The following NFIB variants were observed in gnomAD, a reference collection of about 807,000 sequenced individuals.
NFIB encodes nuclear factor 1 B-type.
Under a neutral mutation model 61.5 loss-of-function variants are expected in NFIB, and 11 were observed. The observed-to-expected ratio is 0.18, with a 90% CI of 0.11 to 0.30. The LOEUF (loss-of-function observed/expected upper bound fraction) is 0.30, where lower values mean the gene tolerates loss of function less well. Among genes scored for constraint, NFIB ranks in the 10% least tolerant of loss-of-function variants. The pLI, the probability that NFIB is intolerant of heterozygous loss-of-function variation, is 1.00. For missense variants in NFIB, 471 were observed against 608.9 expected (o/e 0.77, Z 2.38); for synonymous variants, 260 against 216.5 (o/e 1.20, Z -1.76).
chr9:14,440,635 A>G, the NFIB span, among the ~76,000 whole-genome samples: 1 of 152,220 alleles, frequency 6.6e-6, no homozygotes, highest in Non-Finnish European at 1.5e-5. Context: ...TAATCTTGTG[A>G]TTCAAAAATA....
intron 1 of NFIB, among the ~76,000 whole-genome samples, chr9:14,312,489 A>G (rs1002162575): frequency 6.6e-6 from 1 of 152,216 alleles, no homozygotes; most frequent in Non-Finnish European, 1.5e-5. Flanking sequence ...ATACTGCCTC[A>G]AATAACAGTT....
At chr9:14,434,589 G>C in the NFIB span, among the ~76,000 whole-genome samples, 2 of 152,168 alleles carry the variant, frequency 1.3e-5, no homozygotes, top group Non-Finnish European at 2.9e-5. Flanking sequence ...GATCCTTGAA[G>C]CTAGTTTTCT....
At chr9:14,171,727 G>C (rs1281114502) in intron 3 of NFIB, among the ~76,000 whole-genome samples, 1 of 152,070 alleles carries the variant, frequency 6.6e-6, no homozygotes, top group South Asian at 2.1e-4. Flanking sequence ...CCCAAGTCTG[G>C]TAAAATAAAA....
rs1564054290 is a variant in NFIB, at chr9:14,391,985, G to T, written c.108+6539C>A. On this transcript the variant is annotated intron_variant, in intron 1 of 8. Transcript: ENST00000380934. ...CTCCAAGGAAACAAGAATCAAGTTT[G>T]CTGAAGACCCAGGTGGATTCTCTGC... Among the ~76,000 whole-genome samples the T allele has an allele frequency of 3.9e-5, 6 of 152,304 alleles. No homozygotes were observed. The South Asian group carries it at 1.0e-3, about 26-fold the overall frequency.
intron 2 of NFIB, among the ~76,000 whole-genome samples, chr9:14,295,593 T>G (rs1378747638): frequency 1.3e-5 from 2 of 152,066 alleles, no homozygotes; most frequent in East Asian, 3.9e-4. Flanking sequence ...ATTGCGCCAC[T>G]GCACTCCAGC....
At chr9:14,405,887 T>A in the NFIB span, among the ~76,000 whole-genome samples, 1 of 152,214 alleles carries the variant, frequency 6.6e-6, no homozygotes, top group African/African-American at 2.4e-5. Flanking sequence ...GAACTATGAC[T>A]AGGGAAGAAC....
chr9:14,380,979 T>C (rs1332975335), intron 1 of NFIB, among the ~76,000 whole-genome samples: 1 of 149,794 alleles, frequency 6.7e-6, no homozygotes, highest in Non-Finnish European at 1.5e-5. Context: ...TCCTTCATTG[T>C]TCATCTGATT....
chr9:14,345,343 T>C (rs1301869684), intron 1 of NFIB, among the ~76,000 whole-genome samples: 1 of 152,204 alleles, frequency 6.6e-6, no homozygotes, highest in Non-Finnish European at 1.5e-5. Flanking sequence ...CAAATTCATC[T>C]ACCCTCGATT....
intron 2 of NFIB, among the ~76,000 whole-genome samples, chr9:14,184,954 T>C (rs1052083523): frequency 1.3e-5 from 2 of 151,818 alleles, no homozygotes; most frequent in African/African-American, 4.8e-5. Flanking sequence ...ACCTGGGAGG[T>C]GGAGGTTGCA....
intron 1 of NFIB, among the ~76,000 whole-genome samples, chr9:14,323,418 G>A (rs2132829070): frequency 6.6e-6 from 1 of 152,092 alleles, no homozygotes; most frequent in East Asian, 1.9e-4. Flanking sequence ...TTCATGTTAA[G>A]TATCTGTAGT....
At chr9:14,336,671 T>G (rs1238945881) in intron 1 of NFIB, among the ~76,000 whole-genome samples, 3 of 152,248 alleles carry the variant, frequency 2.0e-5, no homozygotes, top group African/African-American at 7.2e-5. Flanking sequence ...ACCTGCGCAG[T>G]GGCCCAGAGC....
At chr9:14,164,740 C>T (rs1196308390) in intron 3 of NFIB, among the ~76,000 whole-genome samples, 4 of 152,032 alleles carry the variant, frequency 2.6e-5, no homozygotes, top group African/African-American at 9.7e-5. Flanking sequence ...CTGAGTGGAC[C>T]GATTATCCTA....
At chr9:14,319,874 A>T (rs939945418) in intron 1 of NFIB, among the ~76,000 whole-genome samples, 2 of 152,256 alleles carry the variant, frequency 1.3e-5, no homozygotes, top group Non-Finnish European at 2.9e-5. Flanking sequence ...TTTTCAAATT[A>T]AAATTTAAGA....
intron 10 of NFIB, among the ~76,000 whole-genome samples, chr9:14,096,132 T>C (rs1421007920): frequency 6.6e-6 from 1 of 152,160 alleles, no homozygotes; most frequent in Non-Finnish European, 1.5e-5. Flanking sequence ...GTGCACTGGC[T>C]GTCGAGGGAA....
chr9:14,316,228 C>T (rs1481421019), upstream of NFIB, among the ~76,000 whole-genome samples: 1 of 152,246 alleles, frequency 6.6e-6, no homozygotes, highest in East Asian at 1.9e-4. Context: ...GTCCTGTCCT[C>T]ATTAGGGAAA....
At chr9:14,188,412 T>C (rs1362691398) in intron 2 of NFIB, among the ~76,000 whole-genome samples, 1 of 152,142 alleles carries the variant, frequency 6.6e-6, no homozygotes, top group East Asian at 1.9e-4. Context: ...GGTGCTAATG[T>C]AGAGGAGGGA....
intron 1 of NFIB, among the ~76,000 whole-genome samples, chr9:14,309,994 T>A (rs2060207880): frequency 6.6e-6 from 1 of 152,226 alleles, no homozygotes; most frequent in Non-Finnish European, 1.5e-5. Flanking sequence ...ACGTAAGTAC[T>A]TACACCTTAA....
the NFIB span, among the ~76,000 whole-genome samples, chr9:14,438,198 C>T: frequency 1.3e-5 from 2 of 152,130 alleles, no homozygotes; most frequent in Non-Finnish European, 2.9e-5. Flanking sequence ...ACTACACACA[C>T]TCATGGAAAT....
the NFIB span, among the ~76,000 whole-genome samples, chr9:14,489,388 T>C: frequency 3.9e-5 from 6 of 152,222 alleles, no homozygotes; most frequent in Non-Finnish European, 7.3e-5. Flanking sequence ...CCCTATCACG[T>C]ACCATCTTAT....
Sources: gnomAD v4.1 joint callset for allele counts (sites outside exome capture counted in the v4.1 genomes callset) on GRCh38, gnomAD v4.1.1 for gene constraint, MANE v1.5 for transcripts, NCBI Gene and HGNC (gene_info 2026-07-23, HGNC 2026-07-21) for gene names.